PPP2R2A: variants seen among roughly 807,000 people sequenced by gnomAD.
PPP2R2A encodes the protein protein phosphatase 2 regulatory subunit Balpha.
Under a neutral mutation model 53.2 loss-of-function variants are expected in PPP2R2A, and 9 were observed. The observed-to-expected ratio is 0.17, with a 90% CI of 0.10 to 0.30. The LOEUF (loss-of-function observed/expected upper bound fraction) is 0.30. PPP2R2A is among the 10% of genes least tolerant of loss of function. PPP2R2A has a pLI of 1.00. For missense variants in PPP2R2A, 235 were observed against 534.6 expected, an observed-to-expected ratio of 0.44 and a Z score of 5.53; for synonymous variants, 169 against 174.2, an observed-to-expected ratio of 0.97 and a Z score of 0.23.
chr8:26,304,061 A>G (rs1255976277), intron 2 of PPP2R2A, among the ~76,000 whole-genome samples: 5 of 152,220 alleles, frequency 3.3e-5, no homozygotes, highest in African/African-American at 1.2e-4. Context: ...CTTCTGCTCT[A>G]ATCTTGAGTT....
intron 2 of PPP2R2A, among the ~76,000 whole-genome samples, chr8:26,327,412 T>C (rs2117286889): frequency 6.6e-6 from 1 of 152,298 alleles, no homozygotes; most frequent in East Asian, 1.9e-4. Context: ...TTGGAACCTG[T>C]TCCCATCAGG....
Position 26,362,571 on chromosome 8 carries a change from A to C in PPP2R2A, c.638-113A>C. 2 of 967,574 alleles carry C rather than the reference A, an allele frequency of 2.1e-6. No homozygotes were observed. Among genetic ancestry groups the C allele is most frequent in the Non-Finnish European group, 3.0e-6 (2 of 659,490 alleles). 59.9% of individuals were successfully genotyped at this position (967,574 alleles called of 1,614,324 possible). A position where few individuals can be genotyped will look rare whatever the true frequency, so the allele number is the denominator to read the frequency against. On this transcript the variant is annotated intron_variant, in intron 6 of 9. Coordinates refer to ENST00000380737, the MANE Select transcript of PPP2R2A (RefSeq NM_002717.4). This position sits in a 1 kb window ranked among gnomAD's most constrained non-coding sequence, Gnocchi z 4.4. ...ATACTCATAAAAACAGTGGAGTGCAATTCAGAATTAATATTTTTGCTTAGG... is the reference window on the plus strand; with the variant it reads ...ATACTCATAAAAACAGTGGAGTGCACTTCAGAATTAATATTTTTGCTTAGG...
At position 26,370,415 on chromosome 8, in the gene PPP2R2A, G is replaced by A. The variant is rs774895335; in HGVS notation, c.*2G>A. 6 of 1,612,630 alleles carry A rather than the reference G, an allele frequency of 3.7e-6. No individual in the cohort carries two copies. The highest frequency in any genetic ancestry group is 1.1e-5 in the South Asian group (1 of 91,034). Reference sequence around the variant, plus strand: ...ATATTTCAAGACAAAGTGAATTAGGGTTGGCATTCCTAGCAGAAGAACCCA... The same window carrying A: ...ATATTTCAAGACAAAGTGAATTAGGATTGGCATTCCTAGCAGAAGAACCCA... On this transcript the variant is annotated 3_prime_UTR_variant, in exon 10 of 10. Transcript: ENST00000380737. The surrounding 1 kb of genome is among the most constrained non-coding windows in gnomAD (Gnocchi z 6.1).
Position 26,370,529 on chromosome 8 carries a change from G to A in PPP2R2A, c.*116G>A. On this transcript the variant is annotated 3_prime_UTR_variant, in exon 10 of 10. Transcript: ENST00000380737. This position sits in a 1 kb window ranked among gnomAD's most constrained non-coding sequence, Gnocchi z 6.1. ...TGGCGCCCCTTTCCAGTGTTTGACA[G>A]TGTGCCATTCGACAACACATTGTTA... 2 of 1,207,758 alleles carry A rather than the reference G, an allele frequency of 1.7e-6. No homozygotes were observed. The highest frequency in any genetic ancestry group is 2.1e-5 in the Admixed American group (1 of 46,624). The allele number at this position is 1,207,758 out of a possible 1,614,324, so 74.8% of individuals were successfully genotyped here.
At chr8:26,361,728 G>A (rs766908530) in intron 6 of PPP2R2A, among the ~76,000 whole-genome samples, 1 of 152,186 alleles carries the variant, frequency 6.6e-6, no homozygotes, top group Non-Finnish European at 1.5e-5. Flanking sequence ...GGGAGGTCAA[G>A]GTGGGTGGAT....
chr8:26,309,692 T>G (rs1802187069), intron 2 of PPP2R2A, among the ~76,000 whole-genome samples: 1 of 152,122 alleles, frequency 6.6e-6, no homozygotes, highest in Admixed American at 6.5e-5. Context: ...ACTTGAACAC[T>G]TAAGAGGCCC....
At chr8:26,314,892 C>CG (rs1802469235) in intron 2 of PPP2R2A, among the ~76,000 whole-genome samples, 1 of 125,516 alleles carries the variant, frequency 8.0e-6, no homozygotes, top group African/African-American at 3.2e-5. Flanking sequence ...TTCCCTTCCC[C>CG]CCCCCCCCCC....
intron 2 of PPP2R2A, among the ~76,000 whole-genome samples, chr8:26,318,056 ACT>A (rs949647746): frequency 7.2e-5 from 11 of 152,092 alleles, no homozygotes; most frequent in Admixed American, 4.6e-4. Context: ...TCCTGTTAAA[ACT>A]CTGTGTGTAT....
At chr8:26,346,117 GTTATTA>G (rs71551870) in intron 3 of PPP2R2A, among the ~76,000 whole-genome samples, 57 of 144,392 alleles carry the variant, frequency 3.9e-4, no homozygotes, top group South Asian at 6.6e-4. Flanking sequence ...TACCAGTCGG[GTTATTA>G]TTATTATTAT....
At chr8:26,308,058 T>C (rs1325353886) in intron 2 of PPP2R2A, among the ~76,000 whole-genome samples, 1 of 152,272 alleles carries the variant, frequency 6.6e-6, no homozygotes, top group Non-Finnish European at 1.5e-5. Context: ...ATAAAAGTTA[T>C]GTTTACATTA....
rs1047611786 is a variant in PPP2R2A, at chr8:26,342,795, C to T, written c.180+3808C>T. 1.6e-4 allele frequency among the ~76,000 whole-genome samples: 24 copies of T among 152,038 alleles called. 1 individual carries two copies. Among genetic ancestry groups the T allele is most frequent in the African/African-American group, 5.8e-4 (24 of 41,386 alleles). On this transcript the variant is annotated intron_variant, in intron 3 of 9. Transcript: ENST00000380737. The stretch of plus-strand genomic sequence containing the variant: ...ATTCCTTAACAGGATACAGAAGAAA[C>T]CTTAAAAAGCATGCTTTTCACAAAA...
At chr8:26,365,353 T>C (rs560864918) in intron 8 of PPP2R2A, 2 of 152,326 alleles carry the variant, frequency 1.3e-5, no homozygotes, top group South Asian at 4.1e-4. Context: ...CCACATGAGT[T>C]GCTATTCCTC....
chr8:26,300,774 C>G (rs1416575693), intron 2 of PPP2R2A, among the ~76,000 whole-genome samples: 1 of 152,130 alleles, frequency 6.6e-6, no homozygotes, highest in Non-Finnish European at 1.5e-5. Flanking sequence ...TTGCTTGAAC[C>G]TGGGAGGTGG....
intron 3 of PPP2R2A, among the ~76,000 whole-genome samples, chr8:26,339,243 G>C (rs1354320343): frequency 6.6e-6 from 1 of 152,180 alleles, no homozygotes; most frequent in Non-Finnish European, 1.5e-5. Context: ...GGGGTGGAAA[G>C]TGATGGAATA....
Position 26,312,849 on chromosome 8 carries a change from A to C in PPP2R2A, c.82+19109A>C, listed in dbSNP as rs184346675. On this transcript the variant is annotated intron_variant, in intron 2 of 9. Coordinates refer to ENST00000380737, the MANE Select transcript of PPP2R2A (RefSeq NM_002717.4). Reference sequence around the variant, plus strand: ...CTCCCTTACCAGCTATCTAAGTTTAATGTTGTTTTAGATTGATTTTTATTT... The same window carrying C: ...CTCCCTTACCAGCTATCTAAGTTTACTGTTGTTTTAGATTGATTTTTATTT... Among the ~76,000 whole-genome samples, 180 of 152,130 alleles carry C rather than the reference A, an allele frequency of 1.2e-3. 1 individual carries two copies. The highest frequency in any genetic ancestry group is 6.5e-4 in the Non-Finnish European group (44 of 68,016).
chr8:26,336,298 C>A (rs1803654311), intron 2 of PPP2R2A, among the ~76,000 whole-genome samples: 1 of 151,928 alleles, frequency 6.6e-6, no homozygotes, highest in Non-Finnish European at 1.5e-5. Flanking sequence ...GCATGGTGGT[C>A]CGCACCTGTA....
chr8:26,332,516 T>C (rs1309955428), intron 2 of PPP2R2A, among the ~76,000 whole-genome samples: 1 of 152,214 alleles, frequency 6.6e-6, no homozygotes, highest in Non-Finnish European at 1.5e-5. Context: ...TCCTTATGTC[T>C]TGTAATTCAT....
In PPP2R2A at chr8:26,312,714, A is replaced by G. The variant is rs182498695; in HGVS notation, c.82+18974A>G. Among the ~76,000 whole-genome samples the G allele has an allele frequency of 3.9e-3, 589 of 152,272 alleles. 1 individual carries two copies. Among genetic ancestry groups the G allele is most frequent in the Non-Finnish European group, 6.6e-3 (447 of 68,020 alleles). ...TTGGCTCGGTCTAAGACCTTACTAT[A>G]CTTAGCAAAGGTGTGTTTTTTGCTG... is the stretch of plus-strand genomic sequence containing the variant. On this transcript the variant is annotated intron_variant, in intron 2 of 9. Transcript: ENST00000380737.
intron 2 of PPP2R2A, among the ~76,000 whole-genome samples, chr8:26,306,634 A>C (rs550269696): frequency 6.6e-6 from 1 of 152,250 alleles, no homozygotes; most frequent in African/African-American, 2.4e-5. Context: ...TGTTTTACAA[A>C]CCAAATATAG....
Sources: gnomAD v4.1 joint callset for allele counts (sites outside exome capture counted in the v4.1 genomes callset) on GRCh38, gnomAD v4.1.1 for gene constraint, Gnocchi (gnomAD v3.1) non-coding constraint, MANE v1.5 for transcripts, NCBI Gene and HGNC (gene_info 2026-07-23, HGNC 2026-07-21) for gene names.